The following POU2AF2 variants were observed in gnomAD, a reference collection of about 807,000 sequenced individuals.
POU2AF2 encodes POU domain class 2-associating factor 2.
chr11:111,257,540 G>GT, the POU2AF2 span, among the ~76,000 whole-genome samples: 7 of 151,428 alleles, frequency 4.6e-5, no homozygotes, highest in African/African-American at 1.2e-4. Flanking sequence ...CACTAATTGT[G>GT]TTTTTTTGTA....
Sources: gnomAD v4.1 joint callset for allele counts (sites outside exome capture counted in the v4.1 genomes callset) on GRCh38, gnomAD v4.1.1 for gene constraint, MANE v1.5 for transcripts, NCBI Gene and HGNC (gene_info 2026-07-23, HGNC 2026-07-21) for gene names.